PTPRN2: variants seen among roughly 807,000 people sequenced by gnomAD.
The protein encoded by PTPRN2 is protein tyrosine phosphatase receptor type N2.
A neutral mutation model predicts 118.8 loss-of-function variants in PTPRN2; 74 were observed. The observed-to-expected ratio is 0.62, with a 90% CI of 0.52 to 0.76. The LOEUF is 0.76. Among genes scored for constraint, PTPRN2 ranks in the 30% least tolerant of loss-of-function variants. The probability of loss-of-function intolerance (pLI) is 0.00; values close to 1 mark genes in which losing one functional copy is unlikely to be tolerated. For missense variants in PTPRN2, 1,481 were observed against 1,394.4 expected, an observed-to-expected ratio of 1.06 and a Z score of -0.99; for synonymous variants, 641 against 608.0, an observed-to-expected ratio of 1.05 and a Z score of -0.80.
rs1026696918 is a variant in PTPRN2 at position 157,881,132 on chromosome 7, T to C, written c.1788+17541A>G. Among the ~76,000 whole-genome samples the C allele has an allele frequency of 6.6e-6, 1 of 151,224 alleles. No homozygotes were observed. Among genetic ancestry groups the C allele is most frequent in the Non-Finnish European group, 1.5e-5 (1 of 67,872 alleles). On this transcript the variant is annotated intron_variant, in intron 12 of 22. Transcript: ENST00000389418. The surrounding 1 kb of genome is among the most constrained non-coding windows in gnomAD (Gnocchi z 4.7). ...CAGTAGTCATTATGATAAAATGAAG[T>C]CATGAGGGTATGTGGAGATGGAGGT...
chr7:157,759,461 G>A (rs984958835), intron 12 of PTPRN2, among the ~76,000 whole-genome samples: 2 of 152,234 alleles, frequency 1.3e-5, no homozygotes, highest in Non-Finnish European at 2.9e-5. Context: ...TGGCCCAGGA[G>A]CCTGGCGTGT....
intron 1 of PTPRN2, among the ~76,000 whole-genome samples, chr7:158,538,223 T>C (rs755651884): frequency 2.0e-5 from 3 of 152,206 alleles, no homozygotes; most frequent in Non-Finnish European, 4.4e-5. Flanking sequence ...GGGGACACTT[T>C]TCATACTCGA....
At chr7:157,542,221 A>T (rs1320197531) in intron 22 of PTPRN2, among the ~76,000 whole-genome samples, 1 of 152,178 alleles carries the variant, frequency 6.6e-6, no homozygotes, top group Admixed American at 6.5e-5. Context: ...AGTGTGTTCG[A>T]TGAAGGTGCT....
intron 12 of PTPRN2, among the ~76,000 whole-genome samples, chr7:157,806,339 T>C (rs1403272258): frequency 6.6e-6 from 1 of 152,172 alleles, no homozygotes; most frequent in Non-Finnish European, 1.5e-5. Context: ...TGTAGGTGCA[T>C]GTATATATGT....
chr7:158,331,943 ACACTCC>A (rs1488334399), intron 2 of PTPRN2, among the ~76,000 whole-genome samples: 1 of 150,868 alleles, frequency 6.6e-6, no homozygotes, highest in Non-Finnish European at 1.5e-5. Context: ...ACTCACACTC[ACACTCC>A]CACGATAAGA....
At position 158,526,126 on chromosome 7, in the gene PTPRN2, C is replaced by T. The variant is rs905482945; in HGVS notation, c.113-36341G>A. Reference sequence around the variant, plus strand: ...CTGAGGAGATGATGACTTCCTACAGCTTCTGAAAGGGCCCGCTCTGGGGGG... The same window carrying T: ...CTGAGGAGATGATGACTTCCTACAGTTTCTGAAAGGGCCCGCTCTGGGGGG... On this transcript the variant is annotated intron_variant, in intron 1 of 22. Coordinates refer to ENST00000389418, the MANE Select transcript of PTPRN2 (RefSeq NM_002847.5). The surrounding 1 kb of genome is among the most constrained non-coding windows in gnomAD (Gnocchi z 5.2). Among the ~76,000 whole-genome samples the T allele has an allele frequency of 3.9e-5, 6 of 152,304 alleles. No individual in the cohort carries two copies. The highest frequency in any genetic ancestry group is 1.4e-4 in the African/African-American group (6 of 41,572).
rs111808371 is a variant in PTPRN2 at position 157,547,163 on chromosome 7, C to T, written c.2976+1783G>A. ...TTCCTGGGGCTTATCCCAGAGTGGGCCTCACTGTGGAGTCACGAACACACC... is the reference window on the plus strand; with the variant it reads ...TTCCTGGGGCTTATCCCAGAGTGGGTCTCACTGTGGAGTCACGAACACACC... On this transcript the variant is annotated intron_variant, in intron 22 of 22. Coordinates refer to ENST00000389418, the MANE Select transcript of PTPRN2 (RefSeq NM_002847.5). 3.1e-3 allele frequency among the ~76,000 whole-genome samples: 474 copies of T among 152,310 alleles called. 1 individual carries two copies. The highest frequency in any genetic ancestry group is 0.011 in the African/African-American group (453 of 41,564).
intron 13 of PTPRN2, among the ~76,000 whole-genome samples, chr7:157,657,428 C>CCA (rs564452346): frequency 2.7e-5 from 1 of 36,596 alleles, no homozygotes. Context: ...CACACATACG[C>CCA]CACACACACA....
At chr7:158,331,057 T>A (rs1804301694) in intron 2 of PTPRN2, among the ~76,000 whole-genome samples, 1 of 144,596 alleles carries the variant, frequency 6.9e-6, no homozygotes, top group Non-Finnish European at 1.5e-5. Flanking sequence ...CCTGCAGACG[T>A]CACTCACACC....
Position 158,407,303 on chromosome 7 carries a change from T to C in PTPRN2, c.163+82432A>G, listed in dbSNP as rs1281815565. 4.9e-3 allele frequency among the ~76,000 whole-genome samples: 378 copies of C among 76,392 alleles called. 17 individuals carry two copies. The highest frequency in any genetic ancestry group is 6.2e-3 in the Admixed American group (40 of 6,454). The allele number at this position is 76,392 out of a possible 152,430, so 50.1% of individuals were successfully genotyped here. A position where few individuals can be genotyped will look rare whatever the true frequency, so the allele number is the denominator to read the frequency against. On this transcript the variant is annotated intron_variant, in intron 2 of 22. Transcript: ENST00000389418. The stretch of plus-strand genomic sequence containing the variant: ...GTCCTGGGTCCTGGGTCCTGCGTCC[T>C]GGGTCCTGGGTCCTGGGTCCTGCGT...
chr7:157,961,921 G>A (rs1037439234), intron 11 of PTPRN2, among the ~76,000 whole-genome samples: 4 of 151,982 alleles, frequency 2.6e-5, no homozygotes, highest in South Asian at 2.1e-4. Context: ...ACCGGGACCC[G>A]GGGTGTGTGG....
At chr7:158,409,166 G>C (rs1186319902) in intron 2 of PTPRN2, among the ~76,000 whole-genome samples, 4 of 152,206 alleles carry the variant, frequency 2.6e-5, no homozygotes, top group African/African-American at 4.8e-5. Flanking sequence ...GCAGACTGCA[G>C]TGCATCTACT....
chr7:157,621,952 C>A (rs1803279063), intron 14 of PTPRN2, among the ~76,000 whole-genome samples: 1 of 151,976 alleles, frequency 6.6e-6, no homozygotes, highest in South Asian at 2.1e-4. Context: ...CTGATCTGTG[C>A]AAAATGCGGG....
chr7:158,089,641 T>C (rs1311100553), intron 10 of PTPRN2, among the ~76,000 whole-genome samples: 46 of 113,952 alleles, frequency 4.0e-4, no homozygotes, highest in South Asian at 1.8e-3. Flanking sequence ...ACAAACCTTC[T>C]TCCCCTGATG....
At chr7:158,434,669 TATC>T (rs1256380479) in intron 2 of PTPRN2, among the ~76,000 whole-genome samples, 6 of 152,222 alleles carry the variant, frequency 3.9e-5, no homozygotes, top group Non-Finnish European at 5.9e-5. Flanking sequence ...TTGGGATTTA[TATC>T]GACTATCTTA....
intron 3 of PTPRN2, among the ~76,000 whole-genome samples, chr7:158,262,568 C>G (rs1300932507): frequency 6.9e-6 from 1 of 145,326 alleles, no homozygotes; most frequent in Non-Finnish European, 1.5e-5. Context: ...ACTACACACA[C>G]ATTCACACAC....
chr7:157,692,293 C>T (rs1471196858), intron 12 of PTPRN2, among the ~76,000 whole-genome samples: 2 of 152,184 alleles, frequency 1.3e-5, no homozygotes, highest in African/African-American at 4.8e-5. Context: ...TCCACACCCC[C>T]CACCTCCCCA....
intron 2 of PTPRN2, among the ~76,000 whole-genome samples, chr7:158,379,853 A>C (rs756623739): frequency 6.6e-6 from 1 of 152,192 alleles, no homozygotes; most frequent in Non-Finnish European, 1.5e-5. Context: ...ACAATTCCAC[A>C]TGGCTGGGGG....
chr7:158,260,912 C>T (rs930343127), intron 3 of PTPRN2, among the ~76,000 whole-genome samples: 1 of 152,126 alleles, frequency 6.6e-6, no homozygotes, highest in Admixed American at 6.5e-5. Flanking sequence ...CTCCTAATGT[C>T]TCAGGAGAGA....
Sources: allele counts gnomAD v4.1 joint callset (sites outside exome capture counted in the v4.1 genomes callset), GRCh38; gene constraint gnomAD v4.1.1; non-coding constraint Gnocchi (gnomAD v3.1); transcripts MANE v1.5; gene names NCBI Gene and HGNC (gene_info 2026-07-23, HGNC 2026-07-21).